Variants in PHF20L1 observed in about 807,000 individuals in gnomAD.
The protein encoded by PHF20L1 is PHD finger protein 20-like protein 1.
In PHF20L1, 44 loss-of-function variants were observed where a neutral mutation model predicts 125.5. The observed-to-expected ratio is 0.35, with a 90% CI of 0.28 to 0.45. The LOEUF is 0.45. Ranked by LOEUF, PHF20L1 falls within the 20% of genes least tolerant of loss-of-function variation. PHF20L1 has a pLI of 1.00. For missense variants in PHF20L1, 1,012 were observed against 1,217.2 expected (o/e 0.83, Z 2.51); for synonymous variants, 380 against 403.1 (o/e 0.94, Z 0.69).
At chr8:132,844,748 C>T (rs1030431663) in intron 20 of PHF20L1, among the ~76,000 whole-genome samples, 1 of 151,940 alleles carries the variant, frequency 6.6e-6, no homozygotes, top group Non-Finnish European at 1.5e-5. Flanking sequence ...GTAGGTAAAC[C>T]TTAAGTGGTT....
Position 132,848,271 on chromosome 8 carries a change from A to G in PHF20L1, c.*2348A>G, listed in dbSNP as rs1171429225. ...TGGAAATCTGAATTTTTAAATTTAG[A>G]TCTTTAAATCAAATTATTTTTATGC... On this transcript the variant is annotated 3_prime_UTR_variant, in exon 21 of 21. Coordinates refer to ENST00000395386, the MANE Select transcript of PHF20L1 (RefSeq NM_016018.5). 1 of 152,422 alleles carries G rather than the reference A, an allele frequency of 6.6e-6. No homozygotes were observed. Among genetic ancestry groups the G allele is most frequent in the Non-Finnish European group, 1.5e-5 (1 of 67,974 alleles). 9.4% of individuals were successfully genotyped at this position (152,422 alleles called of 1,614,324 possible).
chr8:132,825,102 A>T, intron 13 of PHF20L1, 162 bp from the exon 14 acceptor site: 1 of 1,528,164 alleles, frequency 6.5e-7, no homozygotes, highest in Non-Finnish European at 8.9e-7. Flanking sequence ...TAAGCTTATC[A>T]GGACTTCCAG....
intron 5 of PHF20L1, 26 bp from the exon 6 acceptor site, chr8:132,799,069 T>C (rs1832737014): frequency 3.1e-6 from 5 of 1,592,998 alleles, no homozygotes; most frequent in Non-Finnish European, 4.3e-6. Flanking sequence ...CCTGCTAAAG[T>C]TATAGGTCAC....
chr8:132,833,683 G>A (rs1272239790), intron 15 of PHF20L1, among the ~76,000 whole-genome samples: 1 of 152,086 alleles, frequency 6.6e-6, no homozygotes, highest in Non-Finnish European at 1.5e-5. Context: ...GCTATAGAAA[G>A]ATGGAGAATA....
chr8:132,790,106 A>T (rs1040431687), intron 2 of PHF20L1, among the ~76,000 whole-genome samples: 15 of 152,188 alleles, frequency 9.9e-5, no homozygotes, highest in African/African-American at 3.6e-4. Flanking sequence ...CCTTTAAAAA[A>T]TGACAAAACA....
intron 18 of PHF20L1, among the ~76,000 whole-genome samples, chr8:132,841,287 G>A (rs1472046163): frequency 6.6e-6 from 1 of 152,062 alleles, no homozygotes; most frequent in African/African-American, 2.4e-5. Context: ...GTTGGGTAGT[G>A]AAAGAGATTT....
At chr8:132,822,043 C>T (rs1423767991) in intron 12 of PHF20L1, among the ~76,000 whole-genome samples, 1 of 151,832 alleles carries the variant, frequency 6.6e-6, no homozygotes, top group Non-Finnish European at 1.5e-5. Context: ...TTTTAAAGTC[C>T]TGCCGTTGCA....
chr8:132,815,006 A>G (rs890998055), intron 10 of PHF20L1, 117 bp downstream of exon 10: 33 of 717,460 alleles, frequency 4.6e-5, no homozygotes, highest in African/African-American at 3.3e-4. Context: ...AGTGGATATG[A>G]TAGGGAAGGC....
Position 132,837,719 on chromosome 8 carries a change from A to G in PHF20L1, c.2099A>G (p.Glu700Gly), listed in dbSNP as rs776146055. 3.7e-6 allele frequency: 6 copies of G among 1,611,888 alleles called. No homozygotes were observed. Among genetic ancestry groups the G allele is most frequent in the Non-Finnish European group, 5.1e-6 (6 of 1,178,536 alleles). Residue 700 changes from glutamate to glycine, a missense_variant, in exon 17 of 21, where the codon GAG (glutamate) becomes GGG (glycine). Glu to Gly is a moderately conservative substitution (Grantham distance 98). Coordinates refer to ENST00000395386, the MANE Select transcript of PHF20L1 (RefSeq NM_016018.5). ...CTCCTCTGTTTTCTGCAGTGTGAAG[A>G]GTGCTTGTGTTGGCAACACAGCGTG... ...EENGFMIQCE[E>G]CLCWQHSVCM...
At chr8:132,778,908 T>G (rs1830123046) in intron 2 of PHF20L1, among the ~76,000 whole-genome samples, 1 of 152,204 alleles carries the variant, frequency 6.6e-6, no homozygotes, top group African/African-American at 2.4e-5. Flanking sequence ...TTTTTGACAT[T>G]TTCTCTGATT....
intron 8 of PHF20L1, chr8:132,807,861 C>G (rs1833918607): frequency 2.4e-6 from 1 of 418,966 alleles, no homozygotes; most frequent in African/African-American, 2.1e-5. Flanking sequence ...GTAATGCATT[C>G]TTATTGGGCA....
intron 8 of PHF20L1, among the ~76,000 whole-genome samples, chr8:132,805,103 A>G (rs554120156): frequency 4.3e-4 from 66 of 151,896 alleles, no homozygotes; most frequent in Non-Finnish European, 8.4e-4. Context: ...TTTTTTATAC[A>G]TTCTTCTACT....
rs757859987 is a variant in PHF20L1, at chr8:132,804,052, G to A, written c.721+20G>A. ...CATTTGGTACAAAATACATTCTTAC[G>A]TTAATTCCTTATGACACTGGTAAAC... is the stretch of plus-strand genomic sequence containing the variant. On this transcript the variant is annotated intron_variant, in intron 7 of 20. Coordinates refer to ENST00000395386, the MANE Select transcript of PHF20L1 (RefSeq NM_016018.5). The A allele has an allele frequency of 8.0e-6, 12 of 1,498,446 alleles. No homozygotes were observed. The highest frequency in any genetic ancestry group is 5.7e-5 in the South Asian group (5 of 88,394). The allele number at this position is 1,498,446 out of a possible 1,614,324, so 92.8% of individuals were successfully genotyped here. A position where few individuals can be genotyped will look rare whatever the true frequency, so the allele number is the denominator to read the frequency against.
At chr8:132,828,392 C>T (rs939379633) in intron 14 of PHF20L1, among the ~76,000 whole-genome samples, 1 of 151,960 alleles carries the variant, frequency 6.6e-6, no homozygotes, top group Non-Finnish European at 1.5e-5. Flanking sequence ...AAAGCAGATT[C>T]ATTTCAAATC....
intron 13 of PHF20L1, 74 bp from the exon 14 acceptor site, chr8:132,825,190 T>C (rs1836031622): frequency 1.3e-6 from 2 of 1,573,320 alleles, no homozygotes; most frequent in Non-Finnish European, 1.7e-6. Flanking sequence ...ACATAAATGC[T>C]GCTTTTAGGT....
At chr8:132,803,788 A>G (rs753422453) in intron 6 of PHF20L1, 31 bp from the exon 7 acceptor site, 10 of 1,191,958 alleles carry the variant, frequency 8.4e-6, no homozygotes, top group South Asian at 5.3e-5. Flanking sequence ...AATTTTTAAT[A>G]CTTCACATGT....
chr8:132,830,936 A>G (rs903216293), intron 14 of PHF20L1, among the ~76,000 whole-genome samples: 3 of 151,984 alleles, frequency 2.0e-5, no homozygotes, highest in Non-Finnish European at 4.4e-5. Flanking sequence ...CTGGAAATCA[A>G]TCTTGATAAT....
rs781103521 is a variant in PHF20L1, at chr8:132,794,630, A to G, written c.255+49A>G. ...TGCTAGTTTTGCCAGCTATGTAATG[A>G]CATATTTTAAAAGGATTCTGTTAAA... On this transcript the variant is annotated intron_variant, in intron 3 of 20. Coordinates refer to ENST00000395386, the MANE Select transcript of PHF20L1 (RefSeq NM_016018.5). The G allele has an allele frequency of 5.3e-6, 8 of 1,516,886 alleles. No homozygotes were observed. In the South Asian group the frequency reaches 7.0e-5, roughly 13 times the overall value. 94.0% of individuals were successfully genotyped at this position (1,516,886 alleles called of 1,614,324 possible). A position where few individuals can be genotyped will look rare whatever the true frequency, so the allele number is the denominator to read the frequency against.
chr8:132,814,890 G>C lies in PHF20L1; in HGVS notation c.1183+1G>C. 6.3e-7 allele frequency: 1 copy of C among 1,583,972 alleles called. No individual in the cohort carries two copies. The highest frequency in any genetic ancestry group is 8.6e-7 in the Non-Finnish European group (1 of 1,158,872). On this transcript the variant is annotated splice_donor_variant, in intron 10 of 20. Coordinates refer to ENST00000395386, the MANE Select transcript of PHF20L1 (RefSeq NM_016018.5). LOFTEE classifies it high-confidence loss of function. ...TCTTCTTCAGTGATAAATAAAACTA[G>C]TGAGCACAGATTTTTAAAAAATAGT...
Sources: gnomAD v4.1 joint callset for allele counts (sites outside exome capture counted in the v4.1 genomes callset) on GRCh38, gnomAD v4.1.1 for gene constraint, MANE v1.5 for transcripts, NCBI Gene and HGNC (gene_info 2026-07-23, HGNC 2026-07-21) for gene names.